TTLL7: variants seen among roughly 807,000 people sequenced by gnomAD.
The protein encoded by TTLL7 is tubulin polyglutamylase TTLL7.
TTLL7 carries 53 observed loss-of-function variants against 120.2 expected under a neutral mutation model. That is an observed-to-expected ratio of 0.44 (90% CI 0.35 to 0.55). The LOEUF is 0.55. Ranked by LOEUF, TTLL7 falls within the 20% of genes least tolerant of loss-of-function variation. The probability of loss-of-function intolerance (pLI) is 0.00; values close to 1 mark genes in which losing one functional copy is unlikely to be tolerated. For missense variants in TTLL7, 803 were observed against 1,054.7 expected (o/e 0.76, Z 3.31); for synonymous variants, 353 against 351.7 (o/e 1.00, Z -0.04).
chr1:83,879,793 C>A (rs965856605), intron 20 of TTLL7: 1 of 151,900 alleles, frequency 6.6e-6, no homozygotes, highest in Non-Finnish European at 1.5e-5. Context: ...CCATCCTGAC[C>A]ATTTATCAGA....
chr1:83,936,421 G>A (rs1389827951), intron 8 of TTLL7, among the ~76,000 whole-genome samples: 1 of 152,022 alleles, frequency 6.6e-6, no homozygotes, highest in Non-Finnish European at 1.5e-5. Flanking sequence ...CCAATGCATT[G>A]GAATTATCAT....
rs534970828 is a variant in TTLL7, at chr1:83,928,496, A to G, written c.1142+640T>C. 2.6e-5 allele frequency among the ~76,000 whole-genome samples: 4 copies of G among 152,286 alleles called. No individual in the cohort carries two copies. The South Asian group carries it at 8.3e-4, about 32-fold the overall frequency. ...TTTCCCACATAACAGCATTTCAAAT[A>G]TTTGAATCCCATGATCATGTACACT... is the stretch of plus-strand genomic sequence containing the variant. On this transcript the variant is annotated intron_variant, in intron 10 of 20. Coordinates refer to ENST00000260505, the MANE Select transcript of TTLL7 (RefSeq NM_024686.6).
intron 3 of TTLL7, among the ~76,000 whole-genome samples, chr1:83,951,516 C>A (rs1050522291): frequency 4.6e-5 from 7 of 152,054 alleles, no homozygotes; most frequent in Admixed American, 2.6e-4. Flanking sequence ...ATAAACCTAT[C>A]TTATTATGAA....
At chr1:83,887,233 C>G (rs1655043730) in intron 19 of TTLL7, 1 of 1,200,134 alleles carries the variant, frequency 8.3e-7, no homozygotes, top group Non-Finnish European at 1.1e-6. Flanking sequence ...GCCTTGGATT[C>G]TTGGATATAA....
intron 18 of TTLL7, among the ~76,000 whole-genome samples, chr1:83,900,594 C>G (rs1656636567): frequency 6.6e-6 from 1 of 151,910 alleles, no homozygotes; most frequent in Non-Finnish European, 1.5e-5. Context: ...TTCCCTTATT[C>G]CTACCTCAAC....
intron 6 of TTLL7, among the ~76,000 whole-genome samples, 193 bp from the exon 7 acceptor site, chr1:83,942,872 A>T (rs1648107320): frequency 6.6e-6 from 1 of 151,604 alleles, no homozygotes; most frequent in Non-Finnish European, 1.5e-5. Flanking sequence ...AAAGGCTTGC[A>T]GCAAATGGAA....
chr1:83,907,642 G>C lies in TTLL7; in HGVS notation c.1806C>G (p.Val602=). The C allele has an allele frequency of 6.2e-7, 1 of 1,612,834 alleles. No homozygotes were observed. The highest frequency in any genetic ancestry group is 8.5e-7 in the Non-Finnish European group (1 of 1,179,366). Residue 602 remains valine, a synonymous_variant, in exon 16 of 21, where the codon GTC becomes GTG. Coordinates refer to ENST00000260505, the MANE Select transcript of TTLL7 (RefSeq NM_024686.6). ...IQQPSSIRRS[V]SCPRSISAQS... ...GAGCAGAGATGGACCGAGGGCAGCTGACTGAACGTCTTATGGAGCCTATCA... is the reference window on the plus strand; with the variant it reads ...GAGCAGAGATGGACCGAGGGCAGCTCACTGAACGTCTTATGGAGCCTATCA...
chr1:83,962,006 T>A (rs2100541983), intron 1 of TTLL7, among the ~76,000 whole-genome samples: 1 of 152,254 alleles, frequency 6.6e-6, no homozygotes, highest in African/African-American at 2.4e-5. Flanking sequence ...TAGGGTCTGT[T>A]GTACTTAAGT....
intron 20 of TTLL7, among the ~76,000 whole-genome samples, chr1:83,876,309 C>T (rs1043318057): frequency 6.6e-6 from 1 of 151,826 alleles, no homozygotes; most frequent in Non-Finnish European, 1.5e-5. Context: ...CAATATTATA[C>T]TATCTTAAAT....
At chr1:83,960,600 G>T (rs1213117802) in intron 1 of TTLL7, among the ~76,000 whole-genome samples, 1 of 152,078 alleles carries the variant, frequency 6.6e-6, no homozygotes, top group Non-Finnish European at 1.5e-5. Context: ...CTTTGTATTT[G>T]CAATAAGGGT....
intron 14 of TTLL7, among the ~76,000 whole-genome samples, chr1:83,911,832 G>A (rs1570690): frequency 6.6e-6 from 1 of 151,356 alleles, no homozygotes; most frequent in Non-Finnish European, 1.5e-5. Flanking sequence ...TATGTGTGTG[G>A]TGTGTGTGTG....
Position 83,933,832 on chromosome 1 carries a change from C to T in TTLL7, c.889-66G>A, listed in dbSNP as rs1485575625. 2.3e-5 allele frequency: 35 copies of T among 1,504,206 alleles called. No individual in the cohort carries two copies. In the Middle Eastern group the frequency reaches 6.7e-4, roughly 29 times the overall value. The allele number at this position is 1,504,206 out of a possible 1,614,324, so 93.2% of individuals were successfully genotyped here. A position where few individuals can be genotyped will look rare whatever the true frequency, so the allele number is the denominator to read the frequency against. Reference sequence around the variant, plus strand: ...CTCATTTCATATGTGCAAATATAACCGGGGCCCACAAACTGGCAGCCTGGC... The same window carrying T: ...CTCATTTCATATGTGCAAATATAACTGGGGCCCACAAACTGGCAGCCTGGC... On this transcript the variant is annotated intron_variant, in intron 8 of 20. Transcript: ENST00000260505.
chr1:83,900,994 G>C (rs1393161678), intron 18 of TTLL7, among the ~76,000 whole-genome samples: 2 of 151,958 alleles, frequency 1.3e-5, no homozygotes, highest in Non-Finnish European at 2.9e-5. Context: ...AAATCCATAA[G>C]TTGTCTTTTC....
intron 18 of TTLL7, among the ~76,000 whole-genome samples, chr1:83,896,299 G>C (rs534714646): frequency 6.6e-6 from 1 of 151,962 alleles, no homozygotes; most frequent in Non-Finnish European, 1.5e-5. Context: ...AAAACAAATG[G>C]GAGATTCAGT....
At chr1:83,887,064 T>G in intron 19 of TTLL7, 1 of 191,584 alleles carries the variant, frequency 5.2e-6, no homozygotes, top group Non-Finnish European at 1.0e-5. Context: ...GGAACAAGGG[T>G]GTTTTCTGTT....
chr1:83,915,327 A>T (rs1378027170), intron 14 of TTLL7, among the ~76,000 whole-genome samples: 1 of 152,220 alleles, frequency 6.6e-6, no homozygotes, highest in Non-Finnish European at 1.5e-5. Flanking sequence ...GAGCCCTCAG[A>T]AATAATGCCG....
intron 14 of TTLL7, among the ~76,000 whole-genome samples, chr1:83,914,045 T>C (rs1354836269): frequency 6.6e-6 from 1 of 152,190 alleles, no homozygotes; most frequent in Admixed American, 6.5e-5. Flanking sequence ...ACAGATACTC[T>C]AAAATATATT....
chr1:83,979,047 C>T (rs559326976), intron 1 of TTLL7: 1 of 152,314 alleles, frequency 6.6e-6, no homozygotes, highest in South Asian at 2.1e-4. Flanking sequence ...GGAGACCATG[C>T]TTAGCTTCAG....
chr1:83,929,123 G>A lies in TTLL7; in HGVS notation c.1142+13C>T, dbSNP rs773334906. The A allele has an allele frequency of 6.4e-7, 1 of 1,562,748 alleles. No individual in the cohort carries two copies. Among genetic ancestry groups the A allele is most frequent in the Non-Finnish European group, 8.8e-7 (1 of 1,141,704 alleles). ...TGGAGATAAATGTCCAAAAGATAGA[G>A]AGAGTATTTTACCTTATGTTTAGTA... On this transcript the variant is annotated intron_variant, in intron 10 of 20. Transcript: ENST00000260505.
Sources: allele counts gnomAD v4.1 joint callset (sites outside exome capture counted in the v4.1 genomes callset), GRCh38; gene constraint gnomAD v4.1.1; transcripts MANE v1.5; gene names NCBI Gene and HGNC (gene_info 2026-07-23, HGNC 2026-07-21).